The following SUFU variants were observed in gnomAD, a reference collection of about 807,000 sequenced individuals.
SUFU encodes the protein suppressor of fused homolog.
In SUFU, 7 loss-of-function variants were observed where a neutral mutation model predicts 58.9. The ratio of observed to expected loss-of-function variants is 0.12; its 90% CI spans 0.07 to 0.22. SUFU has a LOEUF of 0.22. SUFU is among the 10% of genes least tolerant of loss of function. SUFU has a pLI of 1.00. For synonymous variants in SUFU, 232 were observed against 254.8 expected, an observed-to-expected ratio of 0.91 and a Z score of 0.85; for missense variants, 451 against 641.3, an observed-to-expected ratio of 0.70 and a Z score of 3.20.
At chr10:102,609,179 A>T (rs2063595545) in intron 8 of SUFU, among the ~76,000 whole-genome samples, 1 of 152,160 alleles carries the variant, frequency 6.6e-6, no homozygotes, top group Non-Finnish European at 1.5e-5. Flanking sequence ...TTTATCTGTA[A>T]AATGGGGAAA....
At chr10:102,576,545 T>C (rs2063213971) in intron 3 of SUFU, among the ~76,000 whole-genome samples, 1 of 152,236 alleles carries the variant, frequency 6.6e-6, no homozygotes, top group African/African-American at 2.4e-5. Flanking sequence ...AAAGATGCAG[T>C]GACCATCCTT....
At chr10:102,567,554 AG>A (rs1156844753) in intron 3 of SUFU, among the ~76,000 whole-genome samples, 1 of 152,112 alleles carries the variant, frequency 6.6e-6, no homozygotes, top group Non-Finnish European at 1.5e-5. Context: ...CCCTCCCTCG[AG>A]GGTTCTGATG....
chr10:102,618,377 A>G (rs10786696), intron 10 of SUFU: 68,891 of 152,318 alleles, frequency 0.45, 15,991 homozygotes, highest in East Asian at 0.67. Flanking sequence ...ATATGTAGTC[A>G]ATACAGACAC....
chr10:102,526,993 GTTTTTTT>G (rs34862176), intron 2 of SUFU, among the ~76,000 whole-genome samples: 2 of 102,046 alleles, frequency 2.0e-5, no homozygotes, highest in Admixed American at 1.2e-4. Context: ...TATTATTATT[GTTTTTTT>G]TTTTTTTTTT....
At chr10:102,589,964 T>G (rs577515319) in intron 3 of SUFU, among the ~76,000 whole-genome samples, 1 of 150,058 alleles carries the variant, frequency 6.7e-6, no homozygotes, top group Non-Finnish European at 1.5e-5. Flanking sequence ...AAATCTGAGT[T>G]TTTTTTTTTA....
chr10:102,546,711 C>T (rs945196035), intron 2 of SUFU, among the ~76,000 whole-genome samples: 2 of 152,264 alleles, frequency 1.3e-5, no homozygotes, highest in Admixed American at 6.5e-5. Context: ...TTCTGACAGA[C>T]TTCAGGTCGT....
intron 5 of SUFU, 103 bp from the exon 6 acceptor site, chr10:102,593,890 C>T: frequency 6.9e-7 from 1 of 1,457,600 alleles, no homozygotes; most frequent in Non-Finnish European, 9.6e-7. Flanking sequence ...ACGAACTATT[C>T]CCCTGTGTCC....
intron 3 of SUFU, among the ~76,000 whole-genome samples, chr10:102,584,408 C>G (rs2063315375): frequency 6.6e-6 from 1 of 151,996 alleles, no homozygotes; most frequent in Non-Finnish European, 1.5e-5. Context: ...TTTTGAACTC[C>G]TGGGCTCAAG....
intron 3 of SUFU, among the ~76,000 whole-genome samples, chr10:102,585,996 T>G (rs1039708934): frequency 6.6e-6 from 1 of 151,410 alleles, no homozygotes; most frequent in South Asian, 2.1e-4. Flanking sequence ...ACAATTCTCC[T>G]GTCTCAACCT....
At chr10:102,588,954 A>T (rs2063365029) in intron 3 of SUFU, among the ~76,000 whole-genome samples, 1 of 151,672 alleles carries the variant, frequency 6.6e-6, no homozygotes, top group Admixed American at 6.6e-5. Context: ...ACACAGTCTC[A>T]CTCTGTTGCC....
At chr10:102,600,531 C>G (rs576025480) in intron 8 of SUFU, among the ~76,000 whole-genome samples, 105 of 152,324 alleles carry the variant, frequency 6.9e-4, no homozygotes, top group African/African-American at 2.4e-3. Flanking sequence ...TCTCTGGATT[C>G]TAGCTCTAGT....
At chr10:102,620,601 A>G (rs1238305498) in intron 10 of SUFU, among the ~76,000 whole-genome samples, 1 of 152,110 alleles carries the variant, frequency 6.6e-6, no homozygotes, top group Non-Finnish European at 1.5e-5. Context: ...CTGCCCTGCC[A>G]TTTGCTGTTT....
At chr10:102,504,615 G>A (rs1410952724) in intron 1 of SUFU, among the ~76,000 whole-genome samples, 1 of 150,542 alleles carries the variant, frequency 6.6e-6, no homozygotes, top group African/African-American at 2.4e-5. Flanking sequence ...CAGGAGCGAG[G>A]GAACTGTAAA....
Position 102,619,205 on chromosome 10 carries a change from T to C in SUFU, c.1296+1777T>C. The C allele has an allele frequency of 6.3e-7, 1 of 1,592,160 alleles. No individual in the cohort carries two copies. The highest frequency in any genetic ancestry group is 8.5e-7 in the Non-Finnish European group (1 of 1,173,436). ...GACTTCGCAGATGTCACATTGCCCC[T>C]CAGTCCCCTGAATGCCCTTCGGACC... On this transcript the variant is annotated intron_variant, in intron 10 of 11. Coordinates refer to ENST00000369902, the MANE Select transcript of SUFU (RefSeq NM_016169.4). This position sits in a 1 kb window ranked among gnomAD's most constrained non-coding sequence, Gnocchi z 4.2.
At chr10:102,592,541 TG>T (rs2135866352) in intron 3 of SUFU, 40 bp from the exon 4 acceptor site, 1 of 1,612,718 alleles carries the variant, frequency 6.2e-7, no homozygotes. Context: ...GGCCTGGATC[TG>T]GGGCCTTGAA....
intron 3 of SUFU, among the ~76,000 whole-genome samples, chr10:102,557,017 A>C (rs1449705224): frequency 6.6e-6 from 1 of 152,008 alleles, no homozygotes; most frequent in African/African-American, 2.4e-5. Flanking sequence ...AATCACTTTG[A>C]ACCTGGGAGG....
chr10:102,586,523 A>G (rs902740150), intron 3 of SUFU, among the ~76,000 whole-genome samples: 37 of 152,028 alleles, frequency 2.4e-4, no homozygotes, highest in Non-Finnish European at 3.7e-4. Flanking sequence ...AATACTAAAA[A>G]TTAGCCGGGC....
intron 3 of SUFU, among the ~76,000 whole-genome samples, chr10:102,565,492 T>G (rs2063077911): frequency 6.6e-6 from 1 of 152,248 alleles, no homozygotes; most frequent in South Asian, 2.1e-4. Flanking sequence ...TCTATAGGTC[T>G]GTATCCTACA....
intron 8 of SUFU, among the ~76,000 whole-genome samples, chr10:102,601,229 C>T (rs1479932089): frequency 6.6e-6 from 1 of 152,218 alleles, no homozygotes; most frequent in Admixed American, 6.5e-5. Flanking sequence ...TGAGATCTCA[C>T]TCCCTGGCTT....
Sources: allele counts gnomAD v4.1 joint callset (sites outside exome capture counted in the v4.1 genomes callset), GRCh38; gene constraint gnomAD v4.1.1; non-coding constraint Gnocchi (gnomAD v3.1); transcripts MANE v1.5; gene names NCBI Gene and HGNC (gene_info 2026-07-23, HGNC 2026-07-21).